Variants in DOCK1 observed in about 807,000 individuals in gnomAD.
The protein encoded by DOCK1 is dedicator of cytokinesis 1.
DOCK1 carries 138 observed loss-of-function variants against 262.7 expected under a neutral mutation model. The ratio of observed to expected loss-of-function variants is 0.53; its 90% CI spans 0.46 to 0.61. The LOEUF (loss-of-function observed/expected upper bound fraction) is 0.61, where lower values mean the gene tolerates loss of function less well. DOCK1 is among the 20% of genes least tolerant of loss of function. The probability of loss-of-function intolerance (pLI) is 0.00; values close to 1 mark genes in which losing one functional copy is unlikely to be tolerated. For synonymous variants in DOCK1, 866 were observed against 867.4 expected, an observed-to-expected ratio of 1.00 and a Z score of 0.03; for missense variants, 1,908 against 2,370.7, an observed-to-expected ratio of 0.80 and a Z score of 4.05.
chr10:127,039,621 C>T (rs35918061), intron 19 of DOCK1, among the ~76,000 whole-genome samples: 7,927 of 152,202 alleles, frequency 0.052, 316 homozygotes, highest in Admixed American at 0.11. Context: ...GTCTGACATG[C>T]GCCGTGAGCC....
chr10:127,108,704 G>A (rs1330776927), intron 24 of DOCK1, among the ~76,000 whole-genome samples: 3 of 152,198 alleles, frequency 2.0e-5, no homozygotes, highest in Non-Finnish European at 2.9e-5. Flanking sequence ...CTTTCATGCC[G>A]ATCCATCCCA....
intron 50 of DOCK1, among the ~76,000 whole-genome samples, chr10:127,445,777 T>G (rs1225775189): frequency 6.6e-6 from 1 of 152,144 alleles, no homozygotes; most frequent in Non-Finnish European, 1.5e-5. Context: ...ATGGCCAGAT[T>G]AACAAAATGT....
At chr10:127,258,606 T>C (rs1392067890) in intron 29 of DOCK1, among the ~76,000 whole-genome samples, 1 of 152,232 alleles carries the variant, frequency 6.6e-6, no homozygotes, top group Non-Finnish European at 1.5e-5. Context: ...CCACCAGCCT[T>C]CGTGCATCAG....
intron 1 of DOCK1, among the ~76,000 whole-genome samples, chr10:126,944,093 A>G (rs1473638726): frequency 1.3e-5 from 1 of 78,870 alleles, no homozygotes; most frequent in African/African-American, 5.0e-5. Flanking sequence ...GCAGCCGTGC[A>G]GGGGAGGTGA....
chr10:126,946,440 G>C (rs2035411635), intron 1 of DOCK1, among the ~76,000 whole-genome samples: 1 of 152,106 alleles, frequency 6.6e-6, no homozygotes, highest in Non-Finnish European at 1.5e-5. Context: ...CCAGCTACTT[G>C]GGAGGCTGAG....
intron 27 of DOCK1, among the ~76,000 whole-genome samples, chr10:127,178,841 T>C (rs959025038): frequency 1.8e-4 from 28 of 152,136 alleles, no homozygotes; most frequent in African/African-American, 6.3e-4. Flanking sequence ...CGATGGCTTT[T>C]AGAGATTCTT....
At chr10:126,922,209 CAAAAAAAAA>C (rs1213635501) in intron 1 of DOCK1, among the ~76,000 whole-genome samples, 6 of 63,950 alleles carry the variant, frequency 9.4e-5, no homozygotes, top group African/African-American at 2.5e-4. Flanking sequence ...GACCCTGTAT[CAAAAAAAAA>C]AAAAAAAAAA....
At chr10:126,935,057 C>T (rs904274968) in intron 1 of DOCK1, among the ~76,000 whole-genome samples, 5 of 152,092 alleles carry the variant, frequency 3.3e-5, no homozygotes, top group Non-Finnish European at 5.9e-5. Context: ...TTGCAGTGAG[C>T]GGATCACGCC....
chr10:127,293,147 C>T (rs1389115884), intron 29 of DOCK1, among the ~76,000 whole-genome samples: 1 of 152,144 alleles, frequency 6.6e-6, no homozygotes, highest in African/African-American at 2.4e-5. Flanking sequence ...CTGGGAAGAG[C>T]GCTGCTGCTA....
intron 1 of DOCK1, among the ~76,000 whole-genome samples, chr10:126,920,541 C>A (rs1387582323): frequency 6.6e-6 from 1 of 152,132 alleles, no homozygotes; most frequent in African/African-American, 2.4e-5. Context: ...TAATGAAAAG[C>A]CAATGAAATC....
At chr10:127,403,024 TTC>T (rs1158189614) in intron 38 of DOCK1, 29 bp from the exon 39 acceptor site, 11 of 1,582,724 alleles carry the variant, frequency 7.0e-6, no homozygotes, top group South Asian at 2.3e-5. Flanking sequence ...AGGCCTCGGC[TTC>T]TCTTTCTTTT....
At chr10:127,095,180 C>T (rs887474032) in intron 23 of DOCK1, among the ~76,000 whole-genome samples, 1 of 152,194 alleles carries the variant, frequency 6.6e-6, no homozygotes, top group Non-Finnish European at 1.5e-5. Context: ...GGTGTTCTTG[C>T]TGTCTGTGCT....
chr10:126,951,063 T>C (rs1351834784), intron 1 of DOCK1, among the ~76,000 whole-genome samples: 1 of 151,926 alleles, frequency 6.6e-6, no homozygotes, highest in Non-Finnish European at 1.5e-5. Flanking sequence ...GTGGTGGTAG[T>C]ATTGTTTTTG....
chr10:126,910,582 T>C (rs1005704133), intron 1 of DOCK1, among the ~76,000 whole-genome samples: 1 of 152,180 alleles, frequency 6.6e-6, no homozygotes, highest in Admixed American at 6.5e-5. Flanking sequence ...GGGTGTAAAA[T>C]ATAATTCAGG....
intron 19 of DOCK1, among the ~76,000 whole-genome samples, chr10:127,041,751 A>G (rs1227851285): frequency 1.3e-5 from 2 of 152,200 alleles, no homozygotes; most frequent in Non-Finnish European, 2.9e-5. Flanking sequence ...TAGCCCAGAT[A>G]GTGGGTGTGA....
At chr10:127,419,791 A>G in intron 46 of DOCK1, 42 bp downstream of exon 46, 1 of 1,551,714 alleles carries the variant, frequency 6.4e-7, no homozygotes, top group East Asian at 2.4e-5. Flanking sequence ...GGAGGGAAGG[A>G]AAGCTAGGAG....
chr10:127,118,152 C>G (rs1592094312), intron 25 of DOCK1, among the ~76,000 whole-genome samples: 2 of 152,304 alleles, frequency 1.3e-5, no homozygotes, highest in South Asian at 4.1e-4. Flanking sequence ...TGTATATTCT[C>G]TCTCAGTTTT....
chr10:126,912,154 C>G (rs1020042213), intron 1 of DOCK1, among the ~76,000 whole-genome samples: 2 of 152,164 alleles, frequency 1.3e-5, no homozygotes, highest in Non-Finnish European at 2.9e-5. Context: ...TATGGCCAGC[C>G]TCGGTGGCTC....
At chr10:126,974,816 G>A (rs943748482) in intron 2 of DOCK1, among the ~76,000 whole-genome samples, 1 of 152,134 alleles carries the variant, frequency 6.6e-6, no homozygotes, top group Admixed American at 6.5e-5. Flanking sequence ...ACCCAGTGTG[G>A]TCTCTGGTAC....
Sources: allele counts gnomAD v4.1 joint callset (sites outside exome capture counted in the v4.1 genomes callset), GRCh38; gene constraint gnomAD v4.1.1; transcripts MANE v1.5; gene names NCBI Gene and HGNC (gene_info 2026-07-23, HGNC 2026-07-21).